MAP2K5: variants seen among roughly 807,000 people sequenced by gnomAD.
The protein encoded by MAP2K5 is dual specificity mitogen-activated protein kinase kinase 5.
Under a neutral mutation model 83.1 loss-of-function variants are expected in MAP2K5, and 49 were observed. The ratio of observed to expected loss-of-function variants is 0.59; its 90% CI spans 0.47 to 0.75. MAP2K5 has a LOEUF of 0.75. Among genes scored for constraint, MAP2K5 ranks in the 30% least tolerant of loss-of-function variants. The pLI is 0.00. For missense variants in MAP2K5, 457 were observed against 557.5 expected (o/e 0.82, Z 1.82); for synonymous variants, 202 against 191.8 (o/e 1.05, Z -0.44).
chr15:67,593,773 T>G lies in MAP2K5; in HGVS notation c.480+799T>G, dbSNP rs574970723. 2.5e-4 allele frequency among the ~76,000 whole-genome samples: 38 copies of G among 152,366 alleles called. 1 individual carries two copies. The highest frequency in any genetic ancestry group is 6.8e-3 in the Middle Eastern group (2 of 294). ...TGCAAATAAAAGACTCTTATTGATT[T>G]TCTTAACTGCTGTTCACTTCCCGTC... On this transcript the variant is annotated intron_variant, in intron 7 of 21. Coordinates refer to ENST00000178640, the MANE Select transcript of MAP2K5 (RefSeq NM_145160.3).
chr15:67,727,248 G>A (rs1181063991), intron 16 of MAP2K5, among the ~76,000 whole-genome samples: 1 of 152,110 alleles, frequency 6.6e-6, no homozygotes, highest in African/African-American at 2.4e-5. Context: ...ATTCCTGGTT[G>A]GATCATTTTG....
At chr15:67,680,670 G>A (rs2087795136) in intron 13 of MAP2K5, among the ~76,000 whole-genome samples, 1 of 152,132 alleles carries the variant, frequency 6.6e-6, no homozygotes, top group Non-Finnish European at 1.5e-5. Context: ...AATCTTCTAA[G>A]CATTTCAAGT....
intron 8 of MAP2K5, among the ~76,000 whole-genome samples, chr15:67,626,129 A>C (rs916755433): frequency 6.6e-6 from 1 of 152,244 alleles, no homozygotes; most frequent in African/African-American, 2.4e-5. Flanking sequence ...TGGAATTGGA[A>C]GAATCTGTGA....
chr15:67,583,829 C>T (rs144063192), intron 4 of MAP2K5, among the ~76,000 whole-genome samples: 1 of 152,140 alleles, frequency 6.6e-6, no homozygotes, highest in African/African-American at 2.4e-5. Flanking sequence ...TCACTGCAGC[C>T]TTTATGTCCC....
At chr15:67,614,165 A>G (rs1258610326) in intron 8 of MAP2K5, among the ~76,000 whole-genome samples, 2 of 152,146 alleles carry the variant, frequency 1.3e-5, no homozygotes, top group African/African-American at 4.8e-5. Flanking sequence ...GTACTTACAG[A>G]TAGGAATCGT....
chr15:67,688,123 A>G (rs781599329), intron 13 of MAP2K5, among the ~76,000 whole-genome samples: 18 of 152,266 alleles, frequency 1.2e-4, no homozygotes, highest in Non-Finnish European at 2.5e-4. Context: ...TTGTGGAAGC[A>G]TAGTAGTATT....
At chr15:67,621,376 G>A (rs1456663786) in intron 8 of MAP2K5, among the ~76,000 whole-genome samples, 1 of 149,688 alleles carries the variant, frequency 6.7e-6, no homozygotes, top group Non-Finnish European at 1.5e-5. Flanking sequence ...CAAGAAGGTG[G>A]GACAGGGAAT....
Position 67,658,610 on chromosome 15 carries a change from T to C in MAP2K5, c.794T>C (p.Val265Ala). The change falls in exon 12 of 22, where the codon GTA (valine) becomes GCA (alanine). Residue 265 changes from valine to alanine, a missense_variant. Transcript: ENST00000178640. ...GAACATGTCCTTGGAAGAATTGCAG[T>C]AGCAGTAAGTATATGGCTTCAGTGT... is the stretch of plus-strand genomic sequence containing the variant. Reference protein sequence around the residue: ...MPEHVLGRIAVAVVKGLTYLW... With the variant: ...MPEHVLGRIAAAVVKGLTYLW... 1 of 1,610,470 alleles carries C rather than the reference T, an allele frequency of 6.2e-7. No homozygotes were observed. The highest frequency in any genetic ancestry group is 8.5e-7 in the Non-Finnish European group (1 of 1,177,398).
At chr15:67,798,277 G>A (rs2090640128) in intron 21 of MAP2K5, among the ~76,000 whole-genome samples, 1 of 152,210 alleles carries the variant, frequency 6.6e-6, no homozygotes, top group Non-Finnish European at 1.5e-5. Flanking sequence ...GCCGGAGGCA[G>A]CCAGCATATC....
At chr15:67,696,679 A>G (rs1222957406) in intron 15 of MAP2K5, among the ~76,000 whole-genome samples, 1 of 151,946 alleles carries the variant, frequency 6.6e-6, no homozygotes, top group African/African-American at 2.4e-5. Context: ...CCAAACATAC[A>G]TTTAGAAAAT....
intron 8 of MAP2K5, 139 bp downstream of exon 8, chr15:67,600,888 A>T (rs2085644915): frequency 1.6e-6 from 1 of 611,466 alleles, no homozygotes. Context: ...TCTGCAAGAC[A>T]TCTATTTTCT....
chr15:67,578,606 G>A lies in MAP2K5; in HGVS notation c.253-2148G>A, dbSNP rs1478942530. Among the ~76,000 whole-genome samples, 7 of 151,982 alleles carry A rather than the reference G, an allele frequency of 4.6e-5. No homozygotes were observed. The East Asian group carries it at 1.3e-3, about 29-fold the overall frequency. On this transcript the variant is annotated intron_variant, in intron 3 of 21. Coordinates refer to ENST00000178640, the MANE Select transcript of MAP2K5 (RefSeq NM_145160.3). ...CTCGCTTTAGAGAAACTGTTAAGTG[G>A]CATACTTGATATCATTACTGTGACT...
chr15:67,768,051 T>A lies in MAP2K5; in HGVS notation c.1135-1551T>A, dbSNP rs745213. Reference sequence around the variant, plus strand: ...GTTTCTTTTCTTGTAGCCTCTTCGGTGTTTTTTGTTGTCTGTTTTTTGTTG... The same window carrying A: ...GTTTCTTTTCTTGTAGCCTCTTCGGAGTTTTTTGTTGTCTGTTTTTTGTTG... On this transcript the variant is annotated intron_variant, in intron 19 of 21. Transcript: ENST00000178640. The surrounding 1 kb of genome is among the most constrained non-coding windows in gnomAD (Gnocchi z 4.0). 2.6e-5 allele frequency among the ~76,000 whole-genome samples: 4 copies of A among 152,034 alleles called. No individual in the cohort carries two copies. In the South Asian group the frequency reaches 8.3e-4, roughly 32 times the overall value.
intron 16 of MAP2K5, among the ~76,000 whole-genome samples, chr15:67,723,497 T>G (rs1043490312): frequency 6.6e-6 from 1 of 152,172 alleles, no homozygotes; most frequent in African/African-American, 2.4e-5. Flanking sequence ...TTTTCAGCCT[T>G]TTACATAATA....
chr15:67,579,961 G>A (rs2085145639), intron 3 of MAP2K5, among the ~76,000 whole-genome samples: 1 of 152,118 alleles, frequency 6.6e-6, no homozygotes, highest in Admixed American at 6.5e-5. Flanking sequence ...TTTTCCACTA[G>A]GAGCATCACT....
In MAP2K5 at chr15:67,677,228, G is replaced by A. The variant is rs1211949039; in HGVS notation, c.847+12583G>A. On this transcript the variant is annotated intron_variant, in intron 13 of 21. Transcript: ENST00000178640. This position sits in a 1 kb window ranked among gnomAD's most constrained non-coding sequence, Gnocchi z 4.2. ...AGATTTAGCTCATAAATATAATGCA[G>A]TTTGTTAAGGCTTAAGAGCTTTACT... 6.6e-6 allele frequency among the ~76,000 whole-genome samples: 1 copy of A among 152,178 alleles called. No individual in the cohort carries two copies. The highest frequency in any genetic ancestry group is 1.5e-5 in the Non-Finnish European group (1 of 68,022).
chr15:67,603,900 A>G (rs1441062923), intron 8 of MAP2K5, among the ~76,000 whole-genome samples: 1 of 152,254 alleles, frequency 6.6e-6, no homozygotes, highest in African/African-American at 2.4e-5. Context: ...CATTGGTAAC[A>G]AAACTGCCTA....
Position 67,587,859 on chromosome 15 carries a change from T to C in MAP2K5, c.431+946T>C, listed in dbSNP as rs1437857199. 1.3e-5 allele frequency among the ~76,000 whole-genome samples: 2 copies of C among 152,166 alleles called. No individual in the cohort carries two copies. Among genetic ancestry groups the C allele is most frequent in the Non-Finnish European group, 2.9e-5 (2 of 68,022 alleles). On this transcript the variant is annotated intron_variant, in intron 6 of 21. Coordinates refer to ENST00000178640, the MANE Select transcript of MAP2K5 (RefSeq NM_145160.3). This position sits in a 1 kb window ranked among gnomAD's most constrained non-coding sequence, Gnocchi z 4.8. ...AGGCCTCCCTCAGTGCCACACCCTGTCAGTCCCCACACTTGTGGGTTCTAC... is the reference window on the plus strand; with the variant it reads ...AGGCCTCCCTCAGTGCCACACCCTGCCAGTCCCCACACTTGTGGGTTCTAC...
At chr15:67,798,412 A>T (rs1009802206) in intron 21 of MAP2K5, among the ~76,000 whole-genome samples, 3 of 152,110 alleles carry the variant, frequency 2.0e-5, no homozygotes, top group African/African-American at 7.2e-5. Flanking sequence ...CGACAAACTC[A>T]TGAGTGTCGG....
Sources: gnomAD v4.1 joint callset for allele counts (sites outside exome capture counted in the v4.1 genomes callset) on GRCh38, gnomAD v4.1.1 for gene constraint, Gnocchi (gnomAD v3.1) non-coding constraint, MANE v1.5 for transcripts, NCBI Gene and HGNC (gene_info 2026-07-23, HGNC 2026-07-21) for gene names.